Variants in DDX17 observed in about 807,000 individuals in gnomAD.
DDX17 encodes DEAD-box helicase 17, also known as probable ATP-dependent RNA helicase DDX17.
In DDX17, 10 loss-of-function variants were observed where a neutral mutation model predicts 80.8. The ratio of observed to expected loss-of-function variants is 0.12; its 90% CI spans 0.08 to 0.21. The LOEUF (loss-of-function observed/expected upper bound fraction) is 0.21, where lower values mean the gene tolerates loss of function less well. Among genes scored for constraint, DDX17 ranks in the 10% least tolerant of loss-of-function variants. The pLI, the probability that DDX17 is intolerant of heterozygous loss-of-function variation, is 1.00. For synonymous variants in DDX17, 339 were observed against 336.2 expected, an observed-to-expected ratio of 1.01 and a Z score of -0.09; for missense variants, 586 against 957.4, an observed-to-expected ratio of 0.61 and a Z score of 5.12.
chr22:38,505,608 CGGCTCGAGAGCCGGGAAACCAGGCGA>C, intron 1 of DDX17: 1 of 259,814 alleles, frequency 3.8e-6, no homozygotes, highest in South Asian at 1.2e-4. Flanking sequence ...CGAAGCGGCC[CGGCTCGAGAGCCGGGAAACCAGGCGA>C]GGCGCCAAAG....
At chr22:38,504,087 T>C (rs2089856605) in intron 1 of DDX17, among the ~76,000 whole-genome samples, 1 of 152,232 alleles carries the variant, frequency 6.6e-6, no homozygotes, top group South Asian at 2.1e-4. Flanking sequence ...AGAACACTAT[T>C]AGTAACTTGT....
Position 38,489,952 on chromosome 22 carries a change from C to T in DDX17, c.1448-1837G>A, listed in dbSNP as rs1370300161. On this transcript the variant is annotated intron_variant, in intron 11 of 12. Coordinates refer to ENST00000403230, the MANE Select transcript of DDX17 (RefSeq NM_006386.5). The surrounding 1 kb of genome is among the most constrained non-coding windows in gnomAD (Gnocchi z 4.6). ...CAGTAGAACAAGTTCAATTACTACACTGGATGCGTTAAGTGTGCTTTCCTA... is the reference window on the plus strand; with the variant it reads ...CAGTAGAACAAGTTCAATTACTACATTGGATGCGTTAAGTGTGCTTTCCTA... 4 of 1,004,584 alleles carry T rather than the reference C, an allele frequency of 4.0e-6. No homozygotes were observed. The highest frequency in any genetic ancestry group is 4.1e-5 in the South Asian group (1 of 24,194). The allele number at this position is 1,004,584 out of a possible 1,614,324, so 62.2% of individuals were successfully genotyped here.
At chr22:38,493,539 A>G (rs1371194527) in intron 10 of DDX17, 171 bp downstream of exon 10, 1 of 611,034 alleles carries the variant, frequency 1.6e-6, no homozygotes, top group Admixed American at 3.1e-5. Flanking sequence ...TTTGTCCTAA[A>G]ACAGCAGTGC....
chr22:38,502,399 G>A (rs1197567186), intron 1 of DDX17, among the ~76,000 whole-genome samples: 1 of 138,788 alleles, frequency 7.2e-6, no homozygotes, highest in Non-Finnish European at 1.6e-5. Flanking sequence ...GGTAGACAGA[G>A]GGAGGGTCCG....
At chr22:38,492,180 C>A (rs2089720005) in intron 10 of DDX17, 65 bp from the exon 11 acceptor site, 1 of 1,376,390 alleles carries the variant, frequency 7.3e-7, no homozygotes. Flanking sequence ...GTTTACATAA[C>A]CATGTTAAAA....
At chr22:38,501,311 G>A (rs772752213) in intron 1 of DDX17, 31 bp from the exon 2 acceptor site, 1 of 1,594,306 alleles carries the variant, frequency 6.3e-7, no homozygotes, top group Admixed American at 1.8e-5. Context: ...TAGTTCATCA[G>A]TATTTTTAAA....
At chr22:38,505,231 C>T (rs979540368) in intron 1 of DDX17, 1 of 152,058 alleles carries the variant, frequency 6.6e-6, no homozygotes, top group Non-Finnish European at 1.5e-5. Flanking sequence ...AACTTTCTAG[C>T]GAGGCAGAAT....
chr22:38,504,726 G>T (rs910837149), intron 1 of DDX17, among the ~76,000 whole-genome samples: 1 of 152,202 alleles, frequency 6.6e-6, no homozygotes, highest in East Asian at 1.9e-4. Context: ...AACGTTTGGA[G>T]AAAATATCGT....
intron 1 of DDX17, 63 bp downstream of exon 1, chr22:38,505,888 C>A: frequency 1.3e-6 from 2 of 1,516,230 alleles, no homozygotes; most frequent in Non-Finnish European, 1.8e-6. Context: ...GTCCGCCGGG[C>A]CTCCCCAAGA....
At chr22:38,504,988 A>G (rs1336150003) in intron 1 of DDX17, among the ~76,000 whole-genome samples, 1 of 152,146 alleles carries the variant, frequency 6.6e-6, no homozygotes, top group Non-Finnish European at 1.5e-5. Context: ...GGCTCACTGC[A>G]ACCTCCTCCC....
chr22:38,495,683 A>G, intron 6 of DDX17, 113 bp downstream of exon 6: 1 of 822,918 alleles, frequency 1.2e-6, no homozygotes, highest in Non-Finnish European at 1.8e-6. Context: ...AGAATTTCTA[A>G]GCTGCTGAAA....
At chr22:38,500,175 C>CAAA (rs138451) in intron 2 of DDX17, among the ~76,000 whole-genome samples, 6,214 of 131,752 alleles carry the variant, frequency 0.047, 229 homozygotes, top group Admixed American at 0.082. Context: ...GACTTCACCT[C>CAAA]AAAAAAAAAA....
chr22:38,485,989 C>T lies in DDX17; in HGVS notation c.2136G>A (p.Gln712=), dbSNP rs745926904. ...GAGGAGGAGGGTATTGGTAGGCAGT[C>T]TGCCCCATGTAACCTATCATATTGG... Residue 712 remains glutamine (Q), a synonymous_variant, in exon 13 of 13, where the codon CAG becomes CAA. Transcript: ENST00000403230. 1.7e-5 allele frequency: 27 copies of T among 1,613,950 alleles called. No homozygotes were observed. The South Asian group carries it at 2.6e-4, about 16-fold the overall frequency.
At chr22:38,486,894 G>A (rs1381511644) in intron 12 of DDX17, among the ~76,000 whole-genome samples, 1 of 152,002 alleles carries the variant, frequency 6.6e-6, no homozygotes, top group African/African-American at 2.4e-5. Flanking sequence ...ACCATGACCG[G>A]GGGCACACTG....
At chr22:38,490,454 AAAAT>A in intron 11 of DDX17, 1 of 1,289,054 alleles carries the variant, frequency 7.8e-7, no homozygotes, top group South Asian at 1.2e-5. Flanking sequence ...AAAACAAAAC[AAAAT>A]AAATTCAATA....
chr22:38,492,114 C>T lies in DDX17; in HGVS notation c.1389G>A (p.Glu463=). ...GGATGGGTGCCTTTCCAGAACGGAACTCTGTAAAAACAAACAATAATCATC... is the reference window on the plus strand; with the variant it reads ...GGATGGGTGCCTTTCCAGAACGGAATTCTGTAAAAACAAACAATAATCATC... The change falls in exon 11 of 13, where the codon GAG becomes GAA. Residue 463 remains glutamate, a splice_region_variant and synonymous_variant. Transcript: ENST00000403230. 1 of 1,609,616 alleles carries T rather than the reference C, an allele frequency of 6.2e-7. No homozygotes were observed. Among genetic ancestry groups the T allele is most frequent in the Non-Finnish European group, 8.5e-7 (1 of 1,178,060 alleles).
At chr22:38,488,443 C>T in intron 11 of DDX17, 12 of 1,202,108 alleles carry the variant, frequency 1.0e-5, no homozygotes, top group Non-Finnish European at 1.2e-5. Flanking sequence ...TCTTCAGACG[C>T]AAATTCCAGT....
chr22:38,501,143 G>A lies in DDX17; in HGVS notation c.425C>T (p.Ala142Val), dbSNP rs549233498. ...ATGTAAACTTACTGGTGTCAGCCTT[G>A]CTACTTCCGGATGTTCCACATAAAA... The change falls in exon 2 of 13, where the codon GCA becomes GTA. Residue 142 changes from alanine (A) to valine (V), a missense_variant. This residue lies in a region of DDX17 where 215 missense variants were observed against 238.4 expected (regional missense o/e 0.90). Transcript: ENST00000403230. The A allele has an allele frequency of 6.2e-7, 1 of 1,613,698 alleles. No homozygotes were observed. Among genetic ancestry groups the A allele is most frequent in the Non-Finnish European group, 8.5e-7 (1 of 1,179,942 alleles).
In DDX17 at chr22:38,499,449, T is replaced by C. The variant is rs773821502; in HGVS notation, c.489A>G (p.Gly163=). The C allele has an allele frequency of 3.0e-5, 49 of 1,613,692 alleles. No homozygotes were observed. Among genetic ancestry groups the C allele is most frequent in the African/African-American group, 4.0e-5 (3 of 74,888 alleles). Reference sequence around the variant, plus strand: ...CAAACACGGGTTTAGGACAAACATCTCCCCCCCTCACTGTAATCTCCTTCT... The same window carrying C: ...CAAACACGGGTTTAGGACAAACATCCCCCCCCCTCACTGTAATCTCCTTCT... Residue 163 remains glycine, a synonymous_variant, in exon 3 of 13, where the codon GGA becomes GGG. Coordinates refer to ENST00000403230, the MANE Select transcript of DDX17 (RefSeq NM_006386.5).
Sources: allele counts gnomAD v4.1 joint callset (sites outside exome capture counted in the v4.1 genomes callset), GRCh38; gene constraint gnomAD v4.1.1; regional missense constraint gnomAD v4.1.1; non-coding constraint Gnocchi (gnomAD v3.1); transcripts MANE v1.5; gene names NCBI Gene and HGNC (gene_info 2026-07-23, HGNC 2026-07-21).